The following MID1 variants were observed in gnomAD, a reference collection of about 807,000 sequenced individuals.
MID1 encodes E3 ubiquitin-protein ligase Midline-1.
Under a neutral mutation model 40.4 loss-of-function variants are expected in MID1, and 7 were observed. The ratio of observed to expected loss-of-function variants is 0.17; its 90% CI spans 0.10 to 0.33. MID1 has a LOEUF of 0.33. Ranked by LOEUF, MID1 falls within the 10% of genes least tolerant of loss-of-function variation. The pLI is 1.00. For synonymous variants in MID1, 229 were observed against 221.2 expected, an observed-to-expected ratio of 1.04 and a Z score of -0.31; for missense variants, 367 against 558.5, an observed-to-expected ratio of 0.66 and a Z score of 3.46.
At chrX:10,584,867 A>G (rs1462212340) in intron 1 of MID1, among the ~76,000 whole-genome samples, 1 of 111,120 alleles carries the variant, frequency 9.0e-6, no homozygotes, top group African/African-American at 3.3e-5. Context: ...GGCTGGGGGC[A>G]TCGGCAAGAC....
chrX:10,756,479 G>C (rs1247558245), intron 1 of MID1, among the ~76,000 whole-genome samples: 2 of 111,890 alleles, frequency 1.8e-5, no homozygotes, highest in Non-Finnish European at 3.8e-5. Flanking sequence ...ATCGTGTAGG[G>C]CATGTGGACT....
chrX:10,800,367 C>T (rs1011712881), intron 1 of MID1, among the ~76,000 whole-genome samples: 7 of 111,790 alleles, frequency 6.3e-5, no homozygotes, highest in African/African-American at 2.3e-4. Flanking sequence ...CGTTATTCCC[C>T]AGTCAGGTCT....
At chrX:10,587,959 A>G (rs1935177068) in intron 1 of MID1, among the ~76,000 whole-genome samples, 1 of 111,563 alleles carries the variant, frequency 9.0e-6, no homozygotes, top group Admixed American at 9.5e-5. Context: ...CATAAGCAAG[A>G]TTTTATATAC....
intron 1 of MID1, among the ~76,000 whole-genome samples, chrX:10,818,024 T>C (rs2044151582): frequency 8.9e-6 from 1 of 112,436 alleles, no homozygotes; most frequent in African/African-American, 3.2e-5. Flanking sequence ...GCCATTTTTG[T>C]ATATTTATAA....
intron 1 of MID1, among the ~76,000 whole-genome samples, chrX:10,820,259 C>T (rs922200341): frequency 5.4e-5 from 6 of 112,092 alleles, no homozygotes; most frequent in African/African-American, 1.6e-4. Context: ...CAGACCCTGG[C>T]AGGGCAAACC....
intron 1 of MID1, among the ~76,000 whole-genome samples, chrX:10,609,715 C>CTTTTTTTTTTTTT (rs138559299): frequency 8.1e-5 from 7 of 86,385 alleles, no homozygotes; most frequent in Non-Finnish European, 1.3e-4. Flanking sequence ...TTCTTTCTTT[C>CTTTTTTTTTTTTT]TTTTTTTTTT....
chrX:10,730,853 C>T (rs891608810), intron 1 of MID1, among the ~76,000 whole-genome samples: 5 of 111,298 alleles, frequency 4.5e-5, no homozygotes, highest in African/African-American at 1.6e-4. Flanking sequence ...GGATTACAGG[C>T]GTGAGCCACT....
At chrX:10,597,959 TTGAG>T (rs1935445031) in intron 1 of MID1, among the ~76,000 whole-genome samples, 1 of 111,372 alleles carries the variant, frequency 9.0e-6, no homozygotes, top group Non-Finnish European at 1.9e-5. Context: ...GAGGCACATG[TTGAG>T]TGAGAGGATG....
chrX:10,676,485 A>G (rs182816617), intron 1 of MID1, among the ~76,000 whole-genome samples: 103 of 111,487 alleles, frequency 9.2e-4, no homozygotes, highest in Non-Finnish European at 9.0e-4. Context: ...GAGCCTTACC[A>G]GTTTCTCCTA....
intron 1 of MID1, among the ~76,000 whole-genome samples, chrX:10,740,201 A>C (rs1269352368): frequency 1.8e-5 from 2 of 113,128 alleles, no homozygotes; most frequent in Non-Finnish European, 3.7e-5. Context: ...AAGAAAATCC[A>C]ATACATGAAC....
intron 1 of MID1, among the ~76,000 whole-genome samples, chrX:10,682,238 C>T (rs767912172): frequency 1.8e-5 from 2 of 111,706 alleles, no homozygotes; most frequent in African/African-American, 6.5e-5. Flanking sequence ...AATAAATGTG[C>T]ATAGAAAATT....
chrX:10,698,382 G>A (rs1012301711), intron 1 of MID1, among the ~76,000 whole-genome samples: 3 of 112,326 alleles, frequency 2.7e-5, no homozygotes, highest in African/African-American at 9.7e-5. Context: ...CACAGCTTAT[G>A]TCTTATATAC....
At chrX:10,603,047 A>G (rs1202745468) in intron 1 of MID1, among the ~76,000 whole-genome samples, 4 of 112,499 alleles carry the variant, frequency 3.6e-5, no homozygotes, top group Admixed American at 2.8e-4. Context: ...ATGAAAAATG[A>G]TATTTCTTAA....
chrX:10,556,271 C>T (rs1446944559), intron 2 of MID1, among the ~76,000 whole-genome samples: 1 of 111,182 alleles, frequency 9.0e-6, no homozygotes, highest in African/African-American at 3.3e-5. Flanking sequence ...TCTGATGGCA[C>T]CTGTGGTGCT....
At chrX:10,474,187 C>T (rs184315861) in intron 6 of MID1, among the ~76,000 whole-genome samples, 186 of 111,813 alleles carry the variant, frequency 1.7e-3, no homozygotes, top group African/African-American at 5.6e-3. Context: ...GATTATAATG[C>T]TTTACCTCAA....
Position 10,794,681 on chromosome X carries a change from C to A in MID1, c.-187+38873G>T, listed in dbSNP as rs148323959. The stretch of plus-strand genomic sequence containing the variant: ...CCTTCCCTAAATGGTGACTGCCATT[C>A]TTTTTCTGTTTAATTAACCGAAGCA... On this transcript the variant is annotated intron_variant, in intron 1 of 10. Transcript: ENST00000380785. 8.7e-3 allele frequency among the ~76,000 whole-genome samples: 981 copies of A among 112,336 alleles called. 16 individuals are homozygous for A. Among genetic ancestry groups the A allele is most frequent in the African/African-American group, 0.03 (930 of 30,937 alleles).
At chrX:10,720,844 T>G (rs1293618846) in intron 1 of MID1, among the ~76,000 whole-genome samples, 1 of 110,094 alleles carries the variant, frequency 9.1e-6, no homozygotes, top group Non-Finnish European at 1.9e-5. Flanking sequence ...GTGGCACATA[T>G]ACACCATGGA....
chrX:10,579,204 T>C (rs1378467646), intron 1 of MID1, among the ~76,000 whole-genome samples: 1 of 111,974 alleles, frequency 8.9e-6, no homozygotes, highest in Non-Finnish European at 1.9e-5. Context: ...AAAGGTCACC[T>C]GGAAATGAGC....
At chrX:10,676,932 C>A (rs959997839) in intron 1 of MID1, among the ~76,000 whole-genome samples, 1 of 111,600 alleles carries the variant, frequency 9.0e-6, no homozygotes, top group African/African-American at 3.3e-5. Context: ...AGAGGGGACA[C>A]CTCAGCTTCA....
Sources: allele counts gnomAD v4.1 joint callset (sites outside exome capture counted in the v4.1 genomes callset), GRCh38; gene constraint gnomAD v4.1.1; transcripts MANE v1.5; gene names NCBI Gene and HGNC (gene_info 2026-07-23, HGNC 2026-07-21).